Variants in CADM2 observed in about 807,000 individuals in gnomAD.
The protein encoded by CADM2 is cell adhesion molecule 2.
A neutral mutation model predicts 49.8 loss-of-function variants in CADM2; 12 were observed. That is an observed-to-expected ratio of 0.24 (90% confidence interval 0.15 to 0.39). The LOEUF (loss-of-function observed/expected upper bound fraction) is 0.39. Ranked by LOEUF, CADM2 falls within the 10% of genes least tolerant of loss-of-function variation. The probability of loss-of-function intolerance (pLI) is 1.00; values close to 1 mark genes in which losing one functional copy is unlikely to be tolerated. For synonymous variants in CADM2, 214 were observed against 175.4 expected, an observed-to-expected ratio of 1.22 and a Z score of -1.74; for missense variants, 378 against 492.3, an observed-to-expected ratio of 0.77 and a Z score of 2.20.
intron 1 of CADM2, among the ~76,000 whole-genome samples, chr3:85,689,092 A>C (rs1351204434): frequency 1.3e-5 from 2 of 152,244 alleles, no homozygotes; most frequent in African/African-American, 4.8e-5. Context: ...CAATACATAG[A>C]AGAAAACTAT....
At chr3:85,142,534 G>A (rs1448169647) in intron 1 of CADM2, among the ~76,000 whole-genome samples, 8 of 152,148 alleles carry the variant, frequency 5.3e-5, no homozygotes, top group Admixed American at 3.9e-4. Flanking sequence ...TACAATATGT[G>A]TATAATTGCA....
At chr3:85,113,451 A>G (rs2038529838) in intron 1 of CADM2, among the ~76,000 whole-genome samples, 1 of 151,850 alleles carries the variant, frequency 6.6e-6, no homozygotes, top group South Asian at 2.1e-4. Flanking sequence ...TAGAGAGAGG[A>G]TAGTGTACAG....
At chr3:85,214,318 A>G (rs531780675) in intron 1 of CADM2, among the ~76,000 whole-genome samples, 49 of 152,202 alleles carry the variant, frequency 3.2e-4, no homozygotes, top group Middle Eastern at 3.4e-3. Context: ...TGAGCTGCCT[A>G]GAGCTGGGAG....
At chr3:85,214,642 G>A (rs1448458177) in intron 1 of CADM2, among the ~76,000 whole-genome samples, 1 of 151,832 alleles carries the variant, frequency 6.6e-6, no homozygotes, top group East Asian at 1.9e-4. Context: ...CTATTCTACT[G>A]TGGCTGAGTT....
rs547677086 is a variant in CADM2 at position 86,012,585 on chromosome 3, A to T, written c.970+50938A>T. 1.2e-4 allele frequency: 192 copies of T among 1,566,930 alleles called. 1 individual carries two copies. The South Asian group carries it at 2.1e-3, about 18-fold the overall frequency. ...GATGCCGAACTTCTGCGCTGCCCCC[A>T]ACTGCACGCGAAGCGCACGCAGTCC... On this transcript the variant is annotated intron_variant, in intron 8 of 9. Transcript: ENST00000383699.
chr3:85,123,838 G>A (rs577412478), intron 1 of CADM2, among the ~76,000 whole-genome samples: 48 of 152,236 alleles, frequency 3.2e-4, no homozygotes, highest in Middle Eastern at 3.4e-3. Flanking sequence ...ATTAAATATA[G>A]TTGGTTTCAA....
chr3:85,718,905 T>G (rs572257801), intron 1 of CADM2, among the ~76,000 whole-genome samples: 1 of 147,802 alleles, frequency 6.8e-6, no homozygotes, highest in African/African-American at 2.5e-5. Flanking sequence ...TTATTATTAT[T>G]ATTATTATTA....
At chr3:85,759,988 A>G (rs750994489) in intron 2 of CADM2, among the ~76,000 whole-genome samples, 6 of 152,172 alleles carry the variant, frequency 3.9e-5, no homozygotes, top group Non-Finnish European at 8.8e-5. Flanking sequence ...ACATAAATTT[A>G]TGGTAAAGAG....
intron 1 of CADM2, among the ~76,000 whole-genome samples, chr3:85,635,685 T>A (rs2064450106): frequency 6.6e-6 from 1 of 152,128 alleles, no homozygotes; most frequent in Admixed American, 6.6e-5. Flanking sequence ...CATAAAAAAA[T>A]TTAGTGCATA....
At chr3:85,341,669 A>T (rs1034268582) in intron 1 of CADM2, among the ~76,000 whole-genome samples, 1 of 152,024 alleles carries the variant, frequency 6.6e-6, no homozygotes, top group Admixed American at 6.6e-5. Context: ...AAACCTGCAC[A>T]TTCTGCATAT....
At chr3:84,977,880 T>G (rs1371164930) in intron 1 of CADM2, among the ~76,000 whole-genome samples, 1 of 152,066 alleles carries the variant, frequency 6.6e-6, no homozygotes, top group African/African-American at 2.4e-5. Flanking sequence ...AAAGGGAACA[T>G]TGCTTGCTTT....
At chr3:85,896,436 A>C (rs1715226107) in intron 5 of CADM2, among the ~76,000 whole-genome samples, 1 of 152,196 alleles carries the variant, frequency 6.6e-6, no homozygotes, top group Admixed American at 6.5e-5. Context: ...GAAATGTATA[A>C]GTTTTAGCCT....
chr3:85,490,719 A>G (rs2039635865), intron 1 of CADM2, among the ~76,000 whole-genome samples: 1 of 152,190 alleles, frequency 6.6e-6, no homozygotes, highest in Non-Finnish European at 1.5e-5. Flanking sequence ...TTTAACATAA[A>G]GTGTTGACTA....
chr3:85,964,191 T>G (rs73843528), intron 8 of CADM2, among the ~76,000 whole-genome samples: 9,534 of 151,942 alleles, frequency 0.063, 793 homozygotes, highest in African/African-American at 0.19. Context: ...GAATGCTGTA[T>G]GCATTTTTGG....
At chr3:85,308,670 T>G (rs562025221) in intron 1 of CADM2, among the ~76,000 whole-genome samples, 22 of 152,114 alleles carry the variant, frequency 1.4e-4, no homozygotes, top group African/African-American at 5.1e-4. Flanking sequence ...AGCTTTGCAG[T>G]GTATGAAGAC....
intron 8 of CADM2, among the ~76,000 whole-genome samples, chr3:86,047,982 T>G (rs1736868264): frequency 6.6e-6 from 1 of 152,172 alleles, no homozygotes; most frequent in Non-Finnish European, 1.5e-5. Flanking sequence ...GTTGAATGTT[T>G]ACATTCTAAC....
At chr3:85,610,352 TA>T (rs1265662625) in intron 1 of CADM2, among the ~76,000 whole-genome samples, 1 of 151,968 alleles carries the variant, frequency 6.6e-6, no homozygotes, top group Admixed American at 6.6e-5. Context: ...TGGCTGTTTT[TA>T]AAAAATTATT....
chr3:85,483,415 T>C (rs2039291402), intron 1 of CADM2, among the ~76,000 whole-genome samples: 1 of 151,256 alleles, frequency 6.6e-6, no homozygotes, highest in Admixed American at 6.6e-5. Context: ...TACATATGCA[T>C]GTGTATGTAT....
At chr3:85,809,724 CT>C (rs2072705461) in intron 3 of CADM2, among the ~76,000 whole-genome samples, 4 of 50,996 alleles carry the variant, frequency 7.8e-5, no homozygotes, top group African/African-American at 3.2e-4. Context: ...TCCTTCGTTC[CT>C]TCCCTCCCTC....
Sources: gnomAD v4.1 joint callset for allele counts (sites outside exome capture counted in the v4.1 genomes callset) on GRCh38, gnomAD v4.1.1 for gene constraint, MANE v1.5 for transcripts, NCBI Gene and HGNC (gene_info 2026-07-23, HGNC 2026-07-21) for gene names.